Variants in FERMT3 observed in about 807,000 individuals in gnomAD.
FERMT3 encodes the protein FERM domain containing kindlin 3, also known as fermitin family homolog 3.
Under a neutral mutation model 80.8 loss-of-function variants are expected in FERMT3, and 33 were observed. The observed-to-expected ratio is 0.41, with a 90% CI of 0.31 to 0.55. The LOEUF is 0.55. FERMT3 is among the 20% of genes least tolerant of loss of function. The probability of loss-of-function intolerance (pLI) is 0.31; values close to 1 mark genes in which losing one functional copy is unlikely to be tolerated. For synonymous variants in FERMT3, 375 were observed against 372.2 expected, an observed-to-expected ratio of 1.01 and a Z score of -0.09; for missense variants, 754 against 908.7, an observed-to-expected ratio of 0.83 and a Z score of 2.19.
At chr11:64,214,012 CTCTT>C (rs1192350366) in intron 6 of FERMT3, among the ~76,000 whole-genome samples, 2 of 152,162 alleles carry the variant, frequency 1.3e-5, no homozygotes, top group Admixed American at 6.5e-5. Context: ...ATTTCCTTGC[CTCTT>C]TCTAAGTGAG....
chr11:64,222,818 GC>G (rs1946739266), intron 13 of FERMT3, among the ~76,000 whole-genome samples: 1 of 152,204 alleles, frequency 6.6e-6, no homozygotes, highest in African/African-American at 2.4e-5. Context: ...TAAAGGCTTG[GC>G]CTGTTTGCCC....
chr11:64,213,714 A>G (rs986132553), intron 6 of FERMT3, among the ~76,000 whole-genome samples: 1 of 148,792 alleles, frequency 6.7e-6, no homozygotes, highest in African/African-American at 2.5e-5. Context: ...TTGAGCCACC[A>G]TGCCCAGCTA....
intron 2 of FERMT3, chr11:64,207,850 T>G: frequency 4.1e-6 from 1 of 243,180 alleles, no homozygotes. Flanking sequence ...TGAGGGGGTC[T>G]AGGTGACCCA....
chr11:64,214,166 G>GC (rs1946500904), intron 6 of FERMT3, among the ~76,000 whole-genome samples: 2 of 104,388 alleles, frequency 1.9e-5, no homozygotes, highest in East Asian at 5.3e-4. Flanking sequence ...GTTCATAATT[G>GC]CCTTTTTTTT....
Position 64,223,836 on chromosome 11 carries a change from C to T in FERMT3, c.*344C>T, listed in dbSNP as rs1059430. 1.7e-5 allele frequency: 24 copies of T among 1,375,220 alleles called. No individual in the cohort carries two copies. The South Asian group carries it at 3.1e-4, about 18-fold the overall frequency. 85.2% of individuals were successfully genotyped at this position (1,375,220 alleles called of 1,614,324 possible). A position where few individuals can be genotyped will look rare whatever the true frequency, so the allele number is the denominator to read the frequency against. On this transcript the variant is annotated 3_prime_UTR_variant, in exon 15 of 15. Coordinates refer to ENST00000345728, the MANE Select transcript of FERMT3 (RefSeq NM_031471.6). ...AAACATGGTTTCAAACGAGTTCTTT[C>T]TTGTTACTTTTTAAAATTTCTTTTT...
chr11:64,219,848 AG>A lies in FERMT3; in HGVS notation c.1080-38del. The A allele has an allele frequency of 6.2e-7, 1 of 1,613,680 alleles. No individual in the cohort carries two copies. On this transcript the variant is annotated intron_variant, in intron 9 of 14. Coordinates refer to ENST00000345728, the MANE Select transcript of FERMT3 (RefSeq NM_031471.6). The surrounding 1 kb of genome is among the most constrained non-coding windows in gnomAD (Gnocchi z 4.0). Reference sequence around the variant, plus strand: ...GAGGGGTTGGTCTGCATATGGAGGGAGGGGGTGAGGCGGCCTTTCACAAACC... The same window carrying A: ...GAGGGGTTGGTCTGCATATGGAGGGAGGGGTGAGGCGGCCTTTCACAAACC...
chr11:64,218,128 T>G (rs1312658455), intron 6 of FERMT3, among the ~76,000 whole-genome samples: 2 of 150,616 alleles, frequency 1.3e-5, no homozygotes, highest in African/African-American at 2.4e-5. Flanking sequence ...CTCAGCGTCC[T>G]GAGTAGCTGG....
chr11:64,219,282 A>T lies in FERMT3; in HGVS notation c.818A>T (p.Glu273Val). ...CCCGTGCGGCTGACACAGCTGTATG[A>T]GCAGGCCCGGTGGGACCTGCTGCTG... ...TDPVRLTQLYEQARWDLLLEE... is the reference protein window; with the variant it reads ...TDPVRLTQLYVQARWDLLLEE... The change falls in exon 7 of 15, where the codon GAG becomes GTG. Residue 273 changes from glutamate (E) to valine (V), a missense_variant. Transcript: ENST00000345728. The surrounding 1 kb of genome is among the most constrained non-coding windows in gnomAD (Gnocchi z 4.0). 1 of 1,607,178 alleles carries T rather than the reference A, an allele frequency of 6.2e-7. No individual in the cohort carries two copies.
Position 64,210,792 on chromosome 11 carries a change from C to A in FERMT3, c.342C>A (p.Ala114=), listed in dbSNP as rs1469394602. ...ACCGCCGCGCACTGCGCCTCCGTGC[C>A]AGCTTCTCCCAGCCCCTCTTCCAGG... ...LPNRRALRLR[A]SFSQPLFQAV... Residue 114 remains alanine (A), a synonymous_variant, in exon 3 of 15, where the codon GCC becomes GCA. Transcript: ENST00000345728. This position sits in a 1 kb window ranked among gnomAD's most constrained non-coding sequence, Gnocchi z 4.3. The A allele has an allele frequency of 1.9e-6, 3 of 1,613,918 alleles. No individual in the cohort carries two copies. In the African/African-American group the frequency reaches 4.0e-5, roughly 22 times the overall value.
At chr11:64,212,788 C>CA (rs1491255389) in intron 6 of FERMT3, among the ~76,000 whole-genome samples, 3 of 152,138 alleles carry the variant, frequency 2.0e-5, no homozygotes, top group African/African-American at 7.2e-5. Context: ...CTCCTTCTCT[C>CA]AGTCATCTCC....
At chr11:64,220,697 A>C (rs771153327) in intron 12 of FERMT3, 28 bp downstream of exon 12, 1 of 1,582,730 alleles carries the variant, frequency 6.3e-7, no homozygotes, top group Non-Finnish European at 8.6e-7. Context: ...GGTGGGAATG[A>C]GCATAGTGTT....
At chr11:64,212,583 A>T (rs1946466592) in intron 6 of FERMT3, among the ~76,000 whole-genome samples, 1 of 152,122 alleles carries the variant, frequency 6.6e-6, no homozygotes, top group Non-Finnish European at 1.5e-5. Flanking sequence ...ACTTACTTGC[A>T]GCATAGACAC....
chr11:64,220,697 A>G (rs771153327), intron 12 of FERMT3, 28 bp downstream of exon 12: 3 of 1,582,730 alleles, frequency 1.9e-6, no homozygotes, highest in Admixed American at 1.7e-5. Flanking sequence ...GGTGGGAATG[A>G]GCATAGTGTT....
At chr11:64,215,085 C>T (rs1482150825) in intron 6 of FERMT3, among the ~76,000 whole-genome samples, 7 of 152,352 alleles carry the variant, frequency 4.6e-5, no homozygotes, top group Admixed American at 4.6e-4. Flanking sequence ...GCTGGGATTA[C>T]AGGCATGAGC....
upstream of FERMT3, among the ~76,000 whole-genome samples, chr11:64,206,075 G>A (rs542163046): frequency 3.9e-5 from 6 of 152,232 alleles, no homozygotes; most frequent in African/African-American, 9.6e-5. Flanking sequence ...GTGGGGACTC[G>A]GGGAGGCTCA....
Position 64,219,593 on chromosome 11 carries a change from G to A in FERMT3, c.964G>A (p.Asp322Asn), listed in dbSNP as rs774328748. 1.2e-5 allele frequency: 19 copies of A among 1,612,622 alleles called. No homozygotes were observed. Among genetic ancestry groups the A allele is most frequent in the Admixed American group, 5.0e-5 (3 of 60,012 alleles). ...GGCTGGCACAGACCCAGGGCTGGAC[G>A]ACCTGGATGTGGCCCTGAGCAACCT... is the stretch of plus-strand genomic sequence containing the variant. ...EPAGTDPGLD[D>N]LDVALSNLEV... The change falls in exon 8 of 15, where the codon GAC becomes AAC. Residue 322 changes from aspartate to asparagine, a missense_variant. By Grantham distance (23) the Asp-to-Asn change is conservative. Coordinates refer to ENST00000345728, the MANE Select transcript of FERMT3 (RefSeq NM_031471.6). The surrounding 1 kb of genome is among the most constrained non-coding windows in gnomAD (Gnocchi z 4.0).
At chr11:64,216,815 A>G (rs905321562) in intron 6 of FERMT3, among the ~76,000 whole-genome samples, 48 of 150,824 alleles carry the variant, frequency 3.2e-4, no homozygotes, top group Non-Finnish European at 5.6e-4. Flanking sequence ...AAAAAAAAAA[A>G]AAGGCGGGTG....
At chr11:64,220,692 G>T in intron 12 of FERMT3, 23 bp downstream of exon 12, 1 of 1,590,900 alleles carries the variant, frequency 6.3e-7, no homozygotes, top group Non-Finnish European at 8.6e-7. Context: ...GTCAGGGTGG[G>T]AATGAGCATA....
At chr11:64,207,249 G>A (rs535591480) in intron 1 of FERMT3, 102 bp from the exon 2 acceptor site, 69 of 1,386,906 alleles carry the variant, frequency 5.0e-5, no homozygotes, top group African/African-American at 8.5e-5. Context: ...CTTCATGAGC[G>A]GCTTTCCTCT....
Sources: gnomAD v4.1 joint callset for allele counts (sites outside exome capture counted in the v4.1 genomes callset) on GRCh38, gnomAD v4.1.1 for gene constraint, Gnocchi (gnomAD v3.1) non-coding constraint, MANE v1.5 for transcripts, NCBI Gene and HGNC (gene_info 2026-07-23, HGNC 2026-07-21) for gene names.